Variants in STAB2 observed in about 807,000 individuals in gnomAD.
STAB2 encodes the protein stabilin 2.
In STAB2, 288 loss-of-function variants were observed where a neutral mutation model predicts 338.1. The observed-to-expected ratio is 0.85, with a 90% confidence interval of 0.77 to 0.94. The LOEUF is 0.94. Among genes scored for constraint, STAB2 ranks in the 40% least tolerant of loss-of-function variants. The pLI, the probability that STAB2 is intolerant of heterozygous loss-of-function variation, is 0.00. For missense variants in STAB2, 3,141 were observed against 3,210.1 expected, an observed-to-expected ratio of 0.98 and a Z score of 0.52; for synonymous variants, 1,202 against 1,193.3, an observed-to-expected ratio of 1.01 and a Z score of -0.15.
chr12:103,689,521 C>T (rs1057118700), intron 28 of STAB2, among the ~76,000 whole-genome samples: 7 of 151,738 alleles, frequency 4.6e-5, no homozygotes, highest in Non-Finnish European at 2.9e-5. Flanking sequence ...GCTCAAGGTT[C>T]TCTGCACACA....
rs758845938 is a variant in STAB2, at chr12:103,695,593, T to C, written c.3419T>C (p.Leu1140Pro). The C allele has an allele frequency of 1.2e-6, 2 of 1,614,210 alleles. No individual in the cohort carries two copies. Among genetic ancestry groups the C allele is most frequent in the South Asian group, 1.1e-5 (1 of 91,084 alleles). The change falls in exon 32 of 69, where the codon CTG becomes CCG. Residue 1140 changes from leucine (L) to proline (P), a missense_variant. Transcript: ENST00000388887. Reference protein sequence around the residue: ...QRRLTGSLPNLLMRLEQMPDY... With the variant: ...QRRLTGSLPNPLMRLEQMPDY... ...CGTCTAACTGGCTCCTTACCAAACC[T>C]GCTCATGCGGCTGGAACAGATGCCT...
chr12:103,670,473 C>G (rs567130331), intron 21 of STAB2, among the ~76,000 whole-genome samples: 2 of 152,272 alleles, frequency 1.3e-5, no homozygotes, highest in South Asian at 2.1e-4. Flanking sequence ...GTGATGCCCC[C>G]TTGAGTGACT....
chr12:103,750,590 G>C lies in STAB2; in HGVS notation c.6450G>C (p.Lys2150Asn). Reference protein sequence around the residue: ...TCKMTGPGKHKCECKSHYVGD... With the variant: ...TCKMTGPGKHNCECKSHYVGD... ...CTCTCCCTCCACAGGGCAAGCACAA[G>C]TGTGAGTGTAAAAGTCACTATGTCG... Residue 2150 changes from lysine (K) to asparagine (N), a missense_variant, in exon 60 of 69, where the codon AAG becomes AAC. Transcript: ENST00000388887. The C allele has an allele frequency of 6.2e-7, 1 of 1,614,198 alleles. No homozygotes were observed.
intron 18 of STAB2, 136 bp downstream of exon 18, chr12:103,663,134 T>C: frequency 1.8e-6 from 2 of 1,101,032 alleles, no homozygotes; most frequent in Non-Finnish European, 2.5e-6. Flanking sequence ...GCTTCCGTCT[T>C]CATGAAGATG....
chr12:103,655,820 G>C (rs539704883), intron 15 of STAB2, among the ~76,000 whole-genome samples: 39 of 152,232 alleles, frequency 2.6e-4, no homozygotes, highest in African/African-American at 9.2e-4. Flanking sequence ...CTTGATACAG[G>C]AAATGAAATG....
chr12:103,634,400 G>C (rs1409470431), intron 6 of STAB2, among the ~76,000 whole-genome samples: 2 of 152,118 alleles, frequency 1.3e-5, no homozygotes, highest in Non-Finnish European at 2.9e-5. Context: ...ATGATAAAAG[G>C]CAAGTACCGT....
intron 10 of STAB2, among the ~76,000 whole-genome samples, chr12:103,650,281 C>G (rs1873638055): frequency 6.6e-6 from 1 of 152,228 alleles, no homozygotes; most frequent in South Asian, 2.1e-4. Context: ...GGAAAACTCT[C>G]ACGGCATTAT....
At chr12:103,596,086 G>T (rs1008925512) in intron 3 of STAB2, among the ~76,000 whole-genome samples, 6 of 152,148 alleles carry the variant, frequency 3.9e-5, no homozygotes, top group African/African-American at 1.4e-4. Flanking sequence ...GTCTTTTAAA[G>T]CAATTAACTC....
intron 22 of STAB2, among the ~76,000 whole-genome samples, chr12:103,673,104 T>C (rs1875970650): frequency 6.6e-6 from 1 of 152,190 alleles, no homozygotes; most frequent in African/African-American, 2.4e-5. Flanking sequence ...TTGGTTATCA[T>C]TGGTTTGATG....
At chr12:103,685,857 A>G (rs1046544985) in intron 27 of STAB2, among the ~76,000 whole-genome samples, 6 of 152,128 alleles carry the variant, frequency 3.9e-5, no homozygotes, top group Non-Finnish European at 7.4e-5. Flanking sequence ...ATTTCTATGT[A>G]TATAGTTCAG....
chr12:103,597,138 G>A (rs1565951156), intron 3 of STAB2, among the ~76,000 whole-genome samples: 1 of 151,976 alleles, frequency 6.6e-6, no homozygotes, highest in Non-Finnish European at 1.5e-5. Flanking sequence ...AAACACACTA[G>A]ATGTCTCGAA....
intron 59 of STAB2, 129 bp downstream of exon 59, chr12:103,749,285 T>G (rs779036264): frequency 9.6e-5 from 107 of 1,117,486 alleles, no homozygotes; most frequent in South Asian, 1.1e-4. Flanking sequence ...ACAGTCTGTT[T>G]CTTGTTAAAA....
intron 17 of STAB2, among the ~76,000 whole-genome samples, chr12:103,662,251 G>A (rs1399487625): frequency 6.6e-6 from 1 of 152,162 alleles, no homozygotes; most frequent in African/African-American, 2.4e-5. Flanking sequence ...GAGTTAAATG[G>A]GGGTGAAGAC....
chr12:103,694,521 G>A (rs532670248), intron 31 of STAB2, among the ~76,000 whole-genome samples: 12 of 152,204 alleles, frequency 7.9e-5, no homozygotes, highest in African/African-American at 2.4e-4. Flanking sequence ...CTCTGCCACC[G>A]TAGTGCAAAA....
chr12:103,701,302 T>C (rs1007535383), intron 34 of STAB2, among the ~76,000 whole-genome samples: 1 of 152,110 alleles, frequency 6.6e-6, no homozygotes, highest in East Asian at 1.9e-4. Context: ...TGAATAATGC[T>C]GCAATAAACA....
intron 24 of STAB2, among the ~76,000 whole-genome samples, chr12:103,676,561 G>A (rs775201583): frequency 7.9e-5 from 12 of 152,170 alleles, no homozygotes; most frequent in Non-Finnish European, 1.2e-4. Context: ...GCTCACTGCA[G>A]CCTCAAACTC....
At chr12:103,727,486 G>A (rs930968368) in intron 47 of STAB2, 136 bp downstream of exon 47, 7 of 993,762 alleles carry the variant, frequency 7.0e-6, no homozygotes, top group South Asian at 4.2e-5. Flanking sequence ...GCAATAGAAG[G>A]GGCTGCCTCT....
chr12:103,732,489 C>A (rs1881712031), intron 50 of STAB2, among the ~76,000 whole-genome samples: 1 of 152,150 alleles, frequency 6.6e-6, no homozygotes, highest in South Asian at 2.1e-4. Context: ...CAGAATTTGA[C>A]TTTCTGATTT....
chr12:103,765,629 T>A (rs1197876896), intron 68 of STAB2, among the ~76,000 whole-genome samples: 1 of 152,178 alleles, frequency 6.6e-6, no homozygotes, highest in Non-Finnish European at 1.5e-5. Flanking sequence ...AGCGGCACCA[T>A]CAGGGCTCAC....
Sources: gnomAD v4.1 joint callset for allele counts (sites outside exome capture counted in the v4.1 genomes callset) on GRCh38, gnomAD v4.1.1 for gene constraint, MANE v1.5 for transcripts, NCBI Gene and HGNC (gene_info 2026-07-23, HGNC 2026-07-21) for gene names.